LTBP1: variants seen among roughly 807,000 people sequenced by gnomAD.
LTBP1 encodes the protein latent-transforming growth factor beta-binding protein 1.
Under a neutral mutation model 207.6 loss-of-function variants are expected in LTBP1, and 129 were observed. The ratio of observed to expected loss-of-function variants is 0.62; its 90% CI spans 0.54 to 0.72. The LOEUF is 0.72. Ranked by LOEUF, LTBP1 falls within the 30% of genes least tolerant of loss-of-function variation. LTBP1 has a pLI of 0.00. For synonymous variants in LTBP1, 963 were observed against 833.7 expected (o/e 1.16, Z -2.67); for missense variants, 2,281 against 2,217.2 (o/e 1.03, Z -0.58).
At position 33,252,766 on chromosome 2, in the gene LTBP1, C is replaced by T. The variant is rs1201633629; in HGVS notation, c.2089C>T (p.Leu697Phe). The T allele has an allele frequency of 1.2e-6, 2 of 1,613,992 alleles. No individual in the cohort carries two copies. The highest frequency in any genetic ancestry group is 1.7e-5 in the Admixed American group (1 of 60,008). The change falls in exon 11 of 34, where the codon CTC becomes TTC. Residue 697 changes from leucine to phenylalanine, a missense_variant. Leu to Phe is a conservative substitution (Grantham distance 22). Transcript: ENST00000404816. ...GTGTATGCACCCTCTGTCTGTTCACCTCACCAAGCAGCTCTGCTGTTGTAG... is the reference window on the plus strand; with the variant it reads ...GTGTATGCACCCTCTGTCTGTTCACTTCACCAAGCAGCTCTGCTGTTGTAG... ...RQCMHPLSVH[L>F]TKQLCCCSVG... is the part of the protein sequence containing the mutation.
chr2:33,157,049 G>C (rs561961729), intron 5 of LTBP1, among the ~76,000 whole-genome samples: 5 of 152,148 alleles, frequency 3.3e-5, no homozygotes, highest in Non-Finnish European at 5.9e-5. Flanking sequence ...GAAGAGCAGA[G>C]GTTTTGTTTG....
At chr2:32,975,583 G>GTTTTTTTTTTTTGTTTTTTTT (rs1681598756) in intron 2 of LTBP1, among the ~76,000 whole-genome samples, 1 of 31,360 alleles carries the variant, frequency 3.2e-5, no homozygotes, top group African/African-American at 1.4e-4. Context: ...TTCATTCTTT[G>GTTTTTTTTTTTTGTTTTTTTT]TTTTTTTTTT....
intron 2 of LTBP1, among the ~76,000 whole-genome samples, chr2:32,989,300 C>G (rs1684057245): frequency 6.6e-6 from 1 of 152,128 alleles, no homozygotes; most frequent in South Asian, 2.1e-4. Flanking sequence ...TAAATAGATG[C>G]AAAATGGGTT....
intron 2 of LTBP1, among the ~76,000 whole-genome samples, chr2:32,964,845 A>G (rs1417075566): frequency 6.6e-6 from 1 of 152,018 alleles, no homozygotes; most frequent in Non-Finnish European, 1.5e-5. Flanking sequence ...GCTCGAGATC[A>G]TCTGGCCAAC....
At chr2:33,212,969 A>C (rs2090424413) in intron 7 of LTBP1, among the ~76,000 whole-genome samples, 1 of 152,206 alleles carries the variant, frequency 6.6e-6, no homozygotes, top group Admixed American at 6.5e-5. Context: ...TCATCGTGCA[A>C]CAGGCTTCCT....
intron 19 of LTBP1, among the ~76,000 whole-genome samples, chr2:33,286,824 C>G (rs56203414): frequency 0.16 from 24,086 of 152,050 alleles, 3,748 homozygotes; most frequent in African/African-American, 0.4. Flanking sequence ...AGCAAACTAT[C>G]GCAAGGACAA....
chr2:33,213,371 G>A (rs1042352060), intron 7 of LTBP1, among the ~76,000 whole-genome samples: 1 of 152,170 alleles, frequency 6.6e-6, no homozygotes, highest in Admixed American at 6.5e-5. Context: ...TTCCATTTGT[G>A]TTTTTAACTT....
At chr2:33,040,793 C>T (rs1397543020) in intron 3 of LTBP1, among the ~76,000 whole-genome samples, 2 of 152,182 alleles carry the variant, frequency 1.3e-5, no homozygotes, top group Non-Finnish European at 2.9e-5. Context: ...AGTGCAGGGT[C>T]ACTTGCTTTT....
intron 3 of LTBP1, among the ~76,000 whole-genome samples, chr2:33,036,160 C>T (rs916910641): frequency 1.3e-5 from 2 of 152,098 alleles, no homozygotes. Context: ...GAATCAGAAT[C>T]GCCGGTGGAG....
At chr2:33,119,551 C>CCTTT (rs763456274) in intron 4 of LTBP1, among the ~76,000 whole-genome samples, 30 of 152,022 alleles carry the variant, frequency 2.0e-4, no homozygotes, top group African/African-American at 4.8e-4. Flanking sequence ...TCCATAAATA[C>CCTTT]CTTTCTTTCT....
At chr2:33,147,079 G>A (rs1336019808) in intron 5 of LTBP1, among the ~76,000 whole-genome samples, 1 of 152,164 alleles carries the variant, frequency 6.6e-6, no homozygotes, top group East Asian at 1.9e-4. Context: ...GACTTCAAAT[G>A]CCTGCCTTCT....
intron 31 of LTBP1, among the ~76,000 whole-genome samples, chr2:33,376,529 T>G (rs2095141636): frequency 6.6e-6 from 1 of 152,244 alleles, no homozygotes; most frequent in Non-Finnish European, 1.5e-5. Flanking sequence ...CTCTCAGTAA[T>G]GAGTCTGCCC....
At chr2:33,306,042 G>A (rs1012029121) in intron 22 of LTBP1, among the ~76,000 whole-genome samples, 1 of 152,196 alleles carries the variant, frequency 6.6e-6, no homozygotes, top group South Asian at 2.1e-4. Flanking sequence ...ACTACCCCAG[G>A]TGGTGGTACG....
At chr2:33,339,180 G>C (rs2094587261) in intron 24 of LTBP1, among the ~76,000 whole-genome samples, 1 of 152,020 alleles carries the variant, frequency 6.6e-6, no homozygotes, top group Non-Finnish European at 1.5e-5. Context: ...TTTCTGGCTT[G>C]GGTGACAGAT....
chr2:33,092,181 A>ACACACACACACACGCG (rs1174376709), intron 3 of LTBP1, among the ~76,000 whole-genome samples: 1 of 144,158 alleles, frequency 6.9e-6, no homozygotes, highest in African/African-American at 2.4e-5. Flanking sequence ...GTGCGCATGC[A>ACACACACACACACGCG]CACACACACA....
intron 3 of LTBP1, among the ~76,000 whole-genome samples, chr2:33,030,533 A>G (rs182076217): frequency 0.013 from 1,925 of 152,334 alleles, 15 homozygotes; most frequent in Non-Finnish European, 0.019. Context: ...TAACGTCTTG[A>G]AAGGTGAAAG....
intron 2 of LTBP1, among the ~76,000 whole-genome samples, chr2:33,001,516 G>C (rs551056269): frequency 7.4e-6 from 1 of 135,002 alleles, no homozygotes; most frequent in East Asian, 3.8e-4. Flanking sequence ...CTCCTGTTAG[G>C]TGTTTTCTCA....
chr2:33,320,704 A>G (rs1245323627), intron 24 of LTBP1, among the ~76,000 whole-genome samples: 1 of 152,352 alleles, frequency 6.6e-6, no homozygotes, highest in East Asian at 1.9e-4. Flanking sequence ...ACAAGAATAG[A>G]AAATCAGATA....
At chr2:33,035,694 C>T (rs1377028303) in intron 3 of LTBP1, among the ~76,000 whole-genome samples, 1 of 152,134 alleles carries the variant, frequency 6.6e-6, no homozygotes, top group East Asian at 1.9e-4. Context: ...TTTTTGTAGG[C>T]CGTTTGTTAG....
Sources: gnomAD v4.1 joint callset for allele counts (sites outside exome capture counted in the v4.1 genomes callset) on GRCh38, gnomAD v4.1.1 for gene constraint, MANE v1.5 for transcripts, NCBI Gene and HGNC (gene_info 2026-07-23, HGNC 2026-07-21) for gene names.